The following PLA2G6 variants were observed in gnomAD, a reference collection of about 807,000 sequenced individuals.
PLA2G6 encodes 85/88 kDa calcium-independent phospholipase A2.
PLA2G6 carries 62 observed loss-of-function variants against 83.8 expected under a neutral mutation model. That is an observed-to-expected ratio of 0.74 (90% CI 0.60 to 0.91). The LOEUF is 0.91. PLA2G6 is among the 40% of genes least tolerant of loss of function. PLA2G6 has a pLI of 0.00. For synonymous variants in PLA2G6, 417 were observed against 449.8 expected (o/e 0.93, Z 0.92); for missense variants, 944 against 1,102.0 (o/e 0.86, Z 2.03).
intron 1 of PLA2G6, among the ~76,000 whole-genome samples, chr22:38,177,523 C>T (rs543779979): frequency 1.4e-5 from 2 of 146,020 alleles, no homozygotes; most frequent in South Asian, 2.1e-4. Flanking sequence ...AGTGCAATGG[C>T]GTGATCTTGG....
At chr22:38,171,863 C>T (rs1445306429) in intron 1 of PLA2G6, among the ~76,000 whole-genome samples, 1 of 151,696 alleles carries the variant, frequency 6.6e-6, no homozygotes, top group Non-Finnish European at 1.5e-5. Context: ...GGTCTTACCA[C>T]GTTGCTCAGG....
At chr22:38,173,609 T>C (rs895328223) in intron 1 of PLA2G6, among the ~76,000 whole-genome samples, 5 of 152,122 alleles carry the variant, frequency 3.3e-5, no homozygotes, top group African/African-American at 1.2e-4. Flanking sequence ...GCTGGGTTCA[T>C]TGAGGGAAGA....
At chr22:38,124,198 G>A (rs1341240172) in intron 10 of PLA2G6, among the ~76,000 whole-genome samples, 1 of 152,056 alleles carries the variant, frequency 6.6e-6, no homozygotes, top group African/African-American at 2.4e-5. Flanking sequence ...CTGGTGTGTG[G>A]TGGTGCAATC....
chr22:38,132,242 C>T lies in PLA2G6; in HGVS notation c.1077+589G>A. The T allele has an allele frequency of 2.8e-6, 1 of 363,408 alleles. No individual in the cohort carries two copies. Among genetic ancestry groups the T allele is most frequent in the South Asian group, 2.0e-5 (1 of 49,596 alleles). 22.5% of individuals were successfully genotyped at this position (363,408 alleles called of 1,614,324 possible). A position where few individuals can be genotyped will look rare whatever the true frequency, so the allele number is the denominator to read the frequency against. ...GGGCTTTGAGGGCAGGAACTGTGTT[C>T]TATAATAAACCAACGAATATGCCTG... On this transcript the variant is annotated intron_variant, in intron 7 of 16. Transcript: ENST00000332509. The surrounding 1 kb of genome is among the most constrained non-coding windows in gnomAD (Gnocchi z 5.0).
At chr22:38,138,996 T>C (rs2088718311) in intron 5 of PLA2G6, 1 of 152,022 alleles carries the variant, frequency 6.6e-6, no homozygotes, top group Non-Finnish European at 1.5e-5. Context: ...ATTTGAGATA[T>C]TCATTTATCT....
In PLA2G6 at chr22:38,128,468, C is replaced by A. The variant is rs367966556; in HGVS notation, c.1187-38G>T. 1.2e-6 allele frequency: 2 copies of A among 1,608,812 alleles called. No individual in the cohort carries two copies. The highest frequency in any genetic ancestry group is 2.7e-5 in the African/African-American group (2 of 74,806). On this transcript the variant is annotated intron_variant, in intron 8 of 16. Coordinates refer to ENST00000332509, the MANE Select transcript of PLA2G6 (RefSeq NM_003560.4). This position sits in a 1 kb window ranked among gnomAD's most constrained non-coding sequence, Gnocchi z 4.4. ...TGGGGAAGGGGAGATGGCACAGGATCAGAAATGATGTCAACATGCAAAGGA... is the reference window on the plus strand; with the variant it reads ...TGGGGAAGGGGAGATGGCACAGGATAAGAAATGATGTCAACATGCAAAGGA...
Position 38,123,156 on chromosome 22 carries a change from G to A in PLA2G6, c.1530C>T (p.Asp510=), listed in dbSNP as rs1288341641. 2 of 1,550,744 alleles carry A rather than the reference G, an allele frequency of 1.3e-6. No individual in the cohort carries two copies. Among genetic ancestry groups the A allele is most frequent in the Admixed American group, 3.9e-5 (2 of 51,092 alleles). The change falls in exon 11 of 17, where the codon GAC becomes GAT. Residue 510 remains aspartate (D), a synonymous_variant. Coordinates refer to ENST00000332509, the MANE Select transcript of PLA2G6 (RefSeq NM_003560.4). This position sits in a 1 kb window ranked among gnomAD's most constrained non-coding sequence, Gnocchi z 4.1. Reference sequence around the variant, plus strand: ...TGGTGCCCGCCACCCAGTCAAACAGGTCCTTGGTGGCCACACCCGAGGCCT... The same window carrying A: ...TGGTGCCCGCCACCCAGTCAAACAGATCCTTGGTGGCCACACCCGAGGCCT... ...IEKASGVATK[D]LFDWVAGTST... is the part of the protein sequence containing the mutation.
intron 5 of PLA2G6, chr22:38,136,740 C>CTTTTTTTT (rs35788613): frequency 8.4e-6 from 1 of 118,590 alleles, no homozygotes; most frequent in Admixed American, 8.9e-5. Flanking sequence ...CTCAATAAAG[C>CTTTTTTTT]TTTTTTTTTT....
Position 38,112,110 on chromosome 22 carries a change from C to A in PLA2G6, c.*51G>T. On this transcript the variant is annotated 3_prime_UTR_variant, in exon 17 of 17. Coordinates refer to ENST00000332509, the MANE Select transcript of PLA2G6 (RefSeq NM_003560.4). Reference sequence around the variant, plus strand: ...AGGGCAGTGGCTGGGCTTGGCCTGGCAGGGGCTGAATGGACGAGGTCAGCT... The same window carrying A: ...AGGGCAGTGGCTGGGCTTGGCCTGGAAGGGGCTGAATGGACGAGGTCAGCT... 1.9e-6 allele frequency: 3 copies of A among 1,551,456 alleles called. No individual in the cohort carries two copies. In the South Asian group the frequency reaches 3.6e-5, roughly 18 times the overall value.
Position 38,169,235 on chromosome 22 carries a change from G to A in PLA2G6, c.192C>T (p.Asn64=). The A allele has an allele frequency of 6.2e-7, 1 of 1,613,482 alleles. No individual in the cohort carries two copies. Among genetic ancestry groups the A allele is most frequent in the Non-Finnish European group, 8.5e-7 (1 of 1,179,392 alleles). The part of the protein sequence containing the change: ...TWDCVLVNPR[N]SQSGFRLFQL... ...TCACCCACCGGAATCCACTCTGTGA[G>A]TTCCTGGGGTTGACCAGGACGCAGT... Residue 64 remains asparagine (N), a synonymous_variant, in exon 2 of 17, where the codon AAC becomes AAT. Coordinates refer to ENST00000332509, the MANE Select transcript of PLA2G6 (RefSeq NM_003560.4).
At position 38,139,852 on chromosome 22, in the gene PLA2G6, C is replaced by G. The variant is rs148718761; in HGVS notation, c.797+130G>C. 295 of 748,080 alleles carry G rather than the reference C, an allele frequency of 3.9e-4. No homozygotes were observed. In the African/African-American group the frequency reaches 4.1e-3, roughly 10 times the overall value. 46.3% of individuals were successfully genotyped at this position (748,080 alleles called of 1,614,324 possible). A position where few individuals can be genotyped will look rare whatever the true frequency, so the allele number is the denominator to read the frequency against. ...GGCGGGGCCTAATGAGGCTTGTGAA[C>G]CCGGGGCCTCTGCTCTGAGGCTGGA... On this transcript the variant is annotated intron_variant, in intron 5 of 16. Transcript: ENST00000332509.
chr22:38,157,582 G>A (rs2089834214), intron 2 of PLA2G6, among the ~76,000 whole-genome samples: 1 of 152,148 alleles, frequency 6.6e-6, no homozygotes, highest in Non-Finnish European at 1.5e-5. Context: ...ACAGAGGAGA[G>A]AAAACTTCCA....
At chr22:38,164,589 C>T (rs534592336) in intron 2 of PLA2G6, among the ~76,000 whole-genome samples, 1 of 152,304 alleles carries the variant, frequency 6.6e-6, no homozygotes, top group South Asian at 2.1e-4. Context: ...TGGGACTCTC[C>T]GGCCTTAGGT....
Position 38,116,215 on chromosome 22 carries a change from G to A in PLA2G6, c.1743-4C>T. Reference sequence around the variant, plus strand: ...CAGTGTCCCTGTCAGCATCACCCTGGAGAGAAATGAGGCAGGAGGACGGCT... The same window carrying A: ...CAGTGTCCCTGTCAGCATCACCCTGAAGAGAAATGAGGCAGGAGGACGGCT... On this transcript the variant is annotated splice_polypyrimidine_tract_variant and splice_region_variant and intron_variant, in intron 12 of 16. Transcript: ENST00000332509. The A allele has an allele frequency of 1.2e-6, 2 of 1,613,948 alleles. No individual in the cohort carries two copies. Among genetic ancestry groups the A allele is most frequent in the Middle Eastern group, 1.6e-4 (1 of 6,062 alleles).
At position 38,128,238 on chromosome 22, in the gene PLA2G6, G is replaced by A. The variant is rs2087985811; in HGVS notation, c.1348+31C>T. The A allele has an allele frequency of 1.2e-6, 2 of 1,609,486 alleles. No individual in the cohort carries two copies. The highest frequency in any genetic ancestry group is 1.7e-6 in the Non-Finnish European group (2 of 1,177,686). ...TGATCCAGGGGCCTGGGAACCAGCT[G>A]GAGAAGAGGGAGTCGGGAGGCGAGG... On this transcript the variant is annotated intron_variant, in intron 9 of 16. Coordinates refer to ENST00000332509, the MANE Select transcript of PLA2G6 (RefSeq NM_003560.4). The surrounding 1 kb of genome is among the most constrained non-coding windows in gnomAD (Gnocchi z 4.4).
chr22:38,129,056 C>A (rs919719389), intron 8 of PLA2G6, among the ~76,000 whole-genome samples: 1 of 152,262 alleles, frequency 6.6e-6, no homozygotes, highest in Non-Finnish European at 1.5e-5. Context: ...ACTCTGCCCA[C>A]ACAGGCATGC....
chr22:38,178,670 G>A (rs1313263468), intron 1 of PLA2G6, among the ~76,000 whole-genome samples: 3 of 152,114 alleles, frequency 2.0e-5, no homozygotes, highest in African/African-American at 7.2e-5. Context: ...TTCAAGACCG[G>A]CCTGGCCAAC....
chr22:38,124,285 C>T (rs1286783588), intron 10 of PLA2G6, among the ~76,000 whole-genome samples: 1 of 152,154 alleles, frequency 6.6e-6, no homozygotes, highest in Non-Finnish European at 1.5e-5. Context: ...GGAGCCACTG[C>T]GCCTACTCTC....
Position 38,120,909 on chromosome 22 carries a change from C to A in PLA2G6, c.1592G>T (p.Ser531Ile), listed in dbSNP as rs770388313. The A allele has an allele frequency of 6.2e-7, 1 of 1,613,454 alleles. No individual in the cohort carries two copies. The highest frequency in any genetic ancestry group is 8.5e-7 in the Non-Finnish European group (1 of 1,180,032). The change falls in exon 12 of 17, where the codon AGT becomes ATT. Residue 531 changes from serine (S) to isoleucine (I), a missense_variant and splice_region_variant. By Grantham distance (142) the Ser-to-Ile change is moderately radical (BLOSUM62 -2). Coordinates refer to ENST00000332509, the MANE Select transcript of PLA2G6 (RefSeq NM_003560.4). ...GGILALAILH[S>I]KSMAYMRGMY... Reference sequence around the variant, plus strand: ...GCCGCGCATGTAGGCCATGGACTTACCTAGGAACAAAGGGGTCAGAGGCGG... The same window carrying A: ...GCCGCGCATGTAGGCCATGGACTTAACTAGGAACAAAGGGGTCAGAGGCGG...
Sources: gnomAD v4.1 joint callset for allele counts (sites outside exome capture counted in the v4.1 genomes callset) on GRCh38, gnomAD v4.1.1 for gene constraint, Gnocchi (gnomAD v3.1) non-coding constraint, MANE v1.5 for transcripts, NCBI Gene and HGNC (gene_info 2026-07-23, HGNC 2026-07-21) for gene names.